The following MLLT3 variants were observed in gnomAD, a reference collection of about 807,000 sequenced individuals.
MLLT3 encodes the protein protein AF-9.
MLLT3 carries 4 observed loss-of-function variants against 53.2 expected under a neutral mutation model. The observed-to-expected ratio is 0.08, with a 90% CI of 0.04 to 0.17. MLLT3 has a LOEUF of 0.17. Among genes scored for constraint, MLLT3 ranks in the 10% least tolerant of loss-of-function variants. The pLI is 1.00. For synonymous variants in MLLT3, 283 were observed against 230.6 expected (o/e 1.23, Z -2.06); for missense variants, 569 against 684.0 (o/e 0.83, Z 1.87).
intron 4 of MLLT3, among the ~76,000 whole-genome samples, chr9:20,420,770 T>C (rs1029648713): frequency 1.3e-5 from 2 of 152,136 alleles, no homozygotes; most frequent in African/African-American, 2.4e-5. Flanking sequence ...TATGTATACA[T>C]GCGCCATGTT....
rs373338988 is a variant in MLLT3 at position 20,414,378 on chromosome 9, ACTGCTG to A, written c.462_467del (p.Ser189_Ser190del). ...TGCTGCTGCTGCTGCTGCTGCTGCTACTGCTGCTGCTGCTGCTGCTGCTGGTATGAA... is the reference window on the plus strand; with the variant it reads ...TGCTGCTGCTGCTGCTGCTGCTGCTACTGCTGCTGCTGCTGCTGGTATGAA... On this transcript the variant is annotated inframe_deletion, in exon 5 of 11. Transcript: ENST00000380338. The A allele has an allele frequency of 2.1e-6, 3 of 1,395,410 alleles. No homozygotes were observed. Among genetic ancestry groups the A allele is most frequent in the East Asian group, 2.3e-5 (1 of 43,418 alleles). 86.4% of individuals were successfully genotyped at this position (1,395,410 alleles called of 1,614,324 possible).
intron 5 of MLLT3, among the ~76,000 whole-genome samples, chr9:20,394,781 A>G (rs1345481048): frequency 6.6e-6 from 1 of 152,152 alleles, no homozygotes; most frequent in Non-Finnish European, 1.5e-5. Flanking sequence ...AAAATGCTGG[A>G]GAAACAGTAT....
At chr9:20,525,821 C>T (rs771918908) in intron 2 of MLLT3, among the ~76,000 whole-genome samples, 1 of 152,224 alleles carries the variant, frequency 6.6e-6, no homozygotes, top group Non-Finnish European at 1.5e-5. Context: ...ACTGGTCTCA[C>T]AAGACCGATT....
At chr9:20,353,403 G>A (rs1821085083) in intron 10 of MLLT3, 122 bp downstream of exon 10, 10 of 792,908 alleles carry the variant, frequency 1.3e-5, no homozygotes, top group Middle Eastern at 4.6e-4. Context: ...ACATCTACAG[G>A]TGGCATTCGC....
rs1381210701 is a variant in MLLT3 at position 20,620,566 on chromosome 9, G to A, written c.193+88C>T. ...CTACGCCGGCGAGCGCGGCGCGGGGGGCGGGGAGCGGGACAGCGGGACCGC... is the reference window on the plus strand; with the variant it reads ...CTACGCCGGCGAGCGCGGCGCGGGGAGCGGGGAGCGGGACAGCGGGACCGC... On this transcript the variant is annotated intron_variant, in intron 2 of 10. Coordinates refer to ENST00000380338, the MANE Select transcript of MLLT3 (RefSeq NM_004529.4). The surrounding 1 kb of genome is among the most constrained non-coding windows in gnomAD (Gnocchi z 6.1). 1 of 1,205,268 alleles carries A rather than the reference G, an allele frequency of 8.3e-7. No homozygotes were observed. Among genetic ancestry groups the A allele is most frequent in the Non-Finnish European group, 1.1e-6 (1 of 907,014 alleles). 74.7% of individuals were successfully genotyped at this position (1,205,268 alleles called of 1,614,324 possible).
Position 20,353,499 on chromosome 9 carries a change from G to A in MLLT3, c.1575+26C>T, listed in dbSNP as rs777320941. On this transcript the variant is annotated intron_variant, in intron 10 of 10. Transcript: ENST00000380338. ...AACCAAGTCTTGAAGTTTCTGGAAA[G>A]GGTTGTGCTAAAAAGCATTTCTCAC... 1.9e-6 allele frequency: 3 copies of A among 1,601,006 alleles called. No individual in the cohort carries two copies. In the Admixed American group the frequency reaches 5.0e-5, roughly 27 times the overall value.
chr9:20,506,061 C>A lies in MLLT3; in HGVS notation c.194-49275G>T, dbSNP rs1035811457. Among the ~76,000 whole-genome samples, 4 of 147,530 alleles carry A rather than the reference C, an allele frequency of 2.7e-5. No individual in the cohort carries two copies. In the Admixed American group the frequency reaches 2.8e-4, roughly 10 times the overall value. ...CACTGTTTAAAAGTCACCAGCCCTGCTCTTTCTTTTTTTCTCTCTTTTTTT... is the reference window on the plus strand; with the variant it reads ...CACTGTTTAAAAGTCACCAGCCCTGATCTTTCTTTTTTTCTCTCTTTTTTT... On this transcript the variant is annotated intron_variant, in intron 2 of 10. Transcript: ENST00000380338.
chr9:20,622,160 C>T (rs1020849487), intron 1 of MLLT3, 85 bp downstream of exon 1: 2 of 1,417,700 alleles, frequency 1.4e-6, no homozygotes, highest in Admixed American at 1.8e-5. Context: ...AACCGCGGAG[C>T]GCTGGCGCTG....
chr9:20,568,270 T>C (rs1819435629), intron 2 of MLLT3, among the ~76,000 whole-genome samples: 1 of 152,138 alleles, frequency 6.6e-6, no homozygotes. Flanking sequence ...AGTTAATAAT[T>C]ATTGAGGCTG....
At chr9:20,395,267 C>T (rs1822294348) in intron 5 of MLLT3, among the ~76,000 whole-genome samples, 2 of 152,154 alleles carry the variant, frequency 1.3e-5, no homozygotes, top group African/African-American at 2.4e-5. Flanking sequence ...CTTGAAAGCT[C>T]CATGTGGACT....
At chr9:20,445,669 A>G (rs1251078401) in intron 4 of MLLT3, among the ~76,000 whole-genome samples, 6 of 152,208 alleles carry the variant, frequency 3.9e-5, no homozygotes, top group Admixed American at 3.9e-4. Context: ...GAAAATAATA[A>G]AAGAGAAGGA....
At chr9:20,425,255 G>A (rs1202514288) in intron 4 of MLLT3, among the ~76,000 whole-genome samples, 2 of 152,092 alleles carry the variant, frequency 1.3e-5, no homozygotes, top group African/African-American at 4.8e-5. Context: ...GAGCAAATGG[G>A]TTAGATTCTC....
intron 2 of MLLT3, among the ~76,000 whole-genome samples, chr9:20,464,691 GCAGGAAAAAATGACATTTATA>G (rs978585197): frequency 1.8e-4 from 28 of 152,074 alleles, no homozygotes; most frequent in African/African-American, 6.5e-4. Flanking sequence ...TGTTGGCCTG[GCAGGAAAAAATGACATTTATA>G]TTGGTTACAG....
chr9:20,577,093 A>C (rs1329996528), intron 2 of MLLT3, among the ~76,000 whole-genome samples: 1 of 152,180 alleles, frequency 6.6e-6, no homozygotes, highest in Non-Finnish European at 1.5e-5. Context: ...GACCTCTAAA[A>C]ATCCCAAAAC....
intron 2 of MLLT3, among the ~76,000 whole-genome samples, chr9:20,548,324 G>A (rs995982759): frequency 1.1e-4 from 16 of 152,176 alleles, no homozygotes; most frequent in Admixed American, 6.5e-4. Flanking sequence ...CTGACATTGC[G>A]TTTATGATGG....
At chr9:20,450,675 A>G (rs547945153) in intron 3 of MLLT3, among the ~76,000 whole-genome samples, 1 of 152,186 alleles carries the variant, frequency 6.6e-6, no homozygotes, top group Non-Finnish European at 1.5e-5. Flanking sequence ...AGACCCAGCT[A>G]AAGCATTAAT....
chr9:20,508,161 T>C (rs1825432661), intron 2 of MLLT3, among the ~76,000 whole-genome samples: 2 of 152,206 alleles, frequency 1.3e-5, no homozygotes, highest in South Asian at 2.1e-4. Flanking sequence ...TTTCCCATCA[T>C]AATGTTCTTA....
At chr9:20,455,685 A>G (rs1196771948) in intron 3 of MLLT3, among the ~76,000 whole-genome samples, 1 of 152,184 alleles carries the variant, frequency 6.6e-6, no homozygotes, top group Non-Finnish European at 1.5e-5. Flanking sequence ...AGAAATTATG[A>G]TATCTCTGGA....
intron 2 of MLLT3, among the ~76,000 whole-genome samples, chr9:20,463,925 C>G (rs762000217): frequency 1.3e-5 from 2 of 152,076 alleles, no homozygotes; most frequent in Middle Eastern, 6.8e-3. Flanking sequence ...TTGGTGGGAA[C>G]ATTTTCATTT....
Sources: allele counts gnomAD v4.1 joint callset (sites outside exome capture counted in the v4.1 genomes callset), GRCh38; gene constraint gnomAD v4.1.1; non-coding constraint Gnocchi (gnomAD v3.1); transcripts MANE v1.5; gene names NCBI Gene and HGNC (gene_info 2026-07-23, HGNC 2026-07-21).